ANKRD42: variants seen among roughly 807,000 people sequenced by gnomAD.
The protein encoded by ANKRD42 is ankyrin repeat domain-containing protein 42.
Under a neutral mutation model 51.5 loss-of-function variants are expected in ANKRD42, and 43 were observed. The observed-to-expected ratio is 0.83, with a 90% CI of 0.65 to 1.08. ANKRD42 has a LOEUF of 1.08. Ranked by LOEUF, ANKRD42 falls within the 50% of genes least tolerant of loss-of-function variation. ANKRD42 has a pLI of 0.00. For synonymous variants in ANKRD42, 203 were observed against 213.0 expected, an observed-to-expected ratio of 0.95 and a Z score of 0.41; for missense variants, 608 against 629.3, an observed-to-expected ratio of 0.97 and a Z score of 0.36.
At chr11:83,228,231 CTTTTTTTTTTTTTTTTT>C (rs11403803) in intron 7 of ANKRD42, among the ~76,000 whole-genome samples, 56 of 59,020 alleles carry the variant, frequency 9.5e-4, no homozygotes, top group East Asian at 2.2e-3. Context: ...CTCTCTCTCT[CTTTTTTTTTTTTTTTTT>C]TTTTTTTTTT....
chr11:83,234,291 T>C (rs1462849980), intron 7 of ANKRD42, among the ~76,000 whole-genome samples: 1 of 152,236 alleles, frequency 6.6e-6, no homozygotes, highest in African/African-American at 2.4e-5. Flanking sequence ...CATTTTATCA[T>C]ACTGCTTTTT....
In ANKRD42 at chr11:83,248,436, T is replaced by C. The variant is rs1267028327; in HGVS notation, c.*232T>C. The C allele has an allele frequency of 5.0e-6, 6 of 1,197,358 alleles. No homozygotes were observed. Among genetic ancestry groups the C allele is most frequent in the Middle Eastern group, 3.3e-4 (1 of 3,062 alleles). The allele number at this position is 1,197,358 out of a possible 1,614,324, so 74.2% of individuals were successfully genotyped here. A position where few individuals can be genotyped will look rare whatever the true frequency, so the allele number is the denominator to read the frequency against. ...AAGTATTATTGTTAACATTGTACCATAGAAGGAGAAAATGTTTTCATAAGT... is the reference window on the plus strand; with the variant it reads ...AAGTATTATTGTTAACATTGTACCACAGAAGGAGAAAATGTTTTCATAAGT... On this transcript the variant is annotated 3_prime_UTR_variant, in exon 11 of 11. Transcript: ENST00000533342.
chr11:83,241,523 A>ATGGCCGAATAGG (rs1863387009), intron 9 of ANKRD42, among the ~76,000 whole-genome samples: 1 of 151,978 alleles, frequency 6.6e-6, no homozygotes, highest in African/African-American at 2.4e-5. Context: ...ATCTTGGAAG[A>ATGGCCGAATAGG]ACGTGCCAGC....
chr11:83,195,439 T>C (rs1450603421), intron 1 of ANKRD42, among the ~76,000 whole-genome samples: 1 of 152,188 alleles, frequency 6.6e-6, no homozygotes, highest in Non-Finnish European at 1.5e-5. Context: ...AAAAGCATTC[T>C]AATACAGAGA....
In ANKRD42 at chr11:83,211,355, C is replaced by A. The variant is rs745929198; in HGVS notation, c.511C>A (p.Arg171=). 9.3e-6 allele frequency: 15 copies of A among 1,613,960 alleles called. No individual in the cohort carries two copies. Among genetic ancestry groups the A allele is most frequent in the Non-Finnish European group, 1.2e-5 (14 of 1,179,994 alleles). Residue 171 remains arginine, a synonymous_variant, in exon 5 of 11, where the codon CGG becomes AGG. Transcript: ENST00000533342. ...TGTGCATTATGCAGCTTTTCATGGG[C>A]GGCTTGGCTGCTTGCAACTTCTTGT... The part of the protein sequence containing the change: ...RPVHYAAFHG[R]LGCLQLLVKW...
rs199536647 is a variant in ANKRD42, at chr11:83,198,574, A to G, written c.154A>G (p.Ile52Val). Reference sequence around the variant, plus strand: ...AGAAATAGTGGTACGTGGAGCCAGCATTAATGAACTTGATGTTCTCCATAA... The same window carrying G: ...AGAAATAGTGGTACGTGGAGCCAGCGTTAATGAACTTGATGTTCTCCATAA... ...LSEIVVRGAS[I>V]NELDVLHKFT... The change falls in exon 2 of 11, where the codon ATT becomes GTT. Residue 52 changes from isoleucine to valine, a missense_variant. By Grantham distance (29) the Ile-to-Val change is conservative (BLOSUM62 3). Transcript: ENST00000533342. 5 of 1,613,730 alleles carry G rather than the reference A, an allele frequency of 3.1e-6. No homozygotes were observed. The highest frequency in any genetic ancestry group is 1.3e-5 in the African/African-American group (1 of 75,046).
rs1249983957 is a variant in ANKRD42, at chr11:83,194,506, T to C, written c.-165T>C. 1 of 734,628 alleles carries C rather than the reference T, an allele frequency of 1.4e-6. No individual in the cohort carries two copies. Among genetic ancestry groups the C allele is most frequent in the Admixed American group, 2.0e-5 (1 of 50,034 alleles). The allele number at this position is 734,628 out of a possible 1,614,324, so 45.5% of individuals were successfully genotyped here. On this transcript the variant is annotated 5_prime_UTR_variant, in exon 1 of 11. Coordinates refer to ENST00000533342, the MANE Select transcript of ANKRD42 (RefSeq NM_001300975.2). Reference sequence around the variant, plus strand: ...AGAAAGTGAAGACGAAGGTTTCCGCTGCAGCTTCTGGGAGAGAGCAAGAGA... The same window carrying C: ...AGAAAGTGAAGACGAAGGTTTCCGCCGCAGCTTCTGGGAGAGAGCAAGAGA...
At chr11:83,222,614 A>G (rs1862748443) in intron 5 of ANKRD42, among the ~76,000 whole-genome samples, 2 of 152,210 alleles carry the variant, frequency 1.3e-5, no homozygotes, top group African/African-American at 4.8e-5. Flanking sequence ...GAGGAAGAAC[A>G]TTTCAGGTAG....
At chr11:83,230,956 C>T (rs1304645493) in intron 7 of ANKRD42, among the ~76,000 whole-genome samples, 1 of 152,192 alleles carries the variant, frequency 6.6e-6, no homozygotes, top group Non-Finnish European at 1.5e-5. Flanking sequence ...TACCATTTAT[C>T]TGTTGGTGGA....
chr11:83,255,978 T>C, exon 12 of ANKRD42: 2 of 1,394,724 alleles, frequency 1.4e-6, no homozygotes, highest in Non-Finnish European at 1.9e-6. Flanking sequence ...TTCTCTTTCA[T>C]TAAAAAAATT....
chr11:83,261,893 G>T, downstream of ANKRD42: 1 of 1,582,192 alleles, frequency 6.3e-7, no homozygotes, highest in Non-Finnish European at 8.6e-7. Context: ...AACAGCCACA[G>T]CAGGATGAGC....
intron 6 of ANKRD42, among the ~76,000 whole-genome samples, chr11:83,225,465 C>T (rs911503260): frequency 6.7e-6 from 1 of 149,584 alleles, no homozygotes; most frequent in Non-Finnish European, 1.5e-5. Flanking sequence ...CTTGGGAGGC[C>T]GAGGTGGGAG....
chr11:83,213,025 T>C (rs756605783), intron 5 of ANKRD42: 34 of 1,599,676 alleles, frequency 2.1e-5, no homozygotes, highest in Non-Finnish European at 2.8e-5. Flanking sequence ...TCAGACCCCT[T>C]GTGAAGCCCA....
intron 5 of ANKRD42, chr11:83,212,668 C>T (rs1371621489): frequency 6.5e-7 from 1 of 1,536,074 alleles, no homozygotes; most frequent in South Asian, 1.2e-5. Context: ...CCTTAGATCC[C>T]TGTGGAGCCT....
chr11:83,194,578 C>T lies in ANKRD42; in HGVS notation c.-93C>T, dbSNP rs778246741. The T allele has an allele frequency of 8.6e-6, 11 of 1,279,528 alleles. No homozygotes were observed. Among genetic ancestry groups the T allele is most frequent in the African/African-American group, 5.9e-5 (4 of 68,300 alleles). 79.3% of individuals were successfully genotyped at this position (1,279,528 alleles called of 1,614,324 possible). On this transcript the variant is annotated 5_prime_UTR_variant, in exon 1 of 11. Coordinates refer to ENST00000533342, the MANE Select transcript of ANKRD42 (RefSeq NM_001300975.2). Reference sequence around the variant, plus strand: ...TGACGACGGAGAAGAGGGCCGCTGCCGCTGCAGTGGCTCGTGGGTGAGAGC... The same window carrying T: ...TGACGACGGAGAAGAGGGCCGCTGCTGCTGCAGTGGCTCGTGGGTGAGAGC...
chr11:83,262,663 C>G (rs896535503), downstream of ANKRD42, among the ~76,000 whole-genome samples: 1 of 152,080 alleles, frequency 6.6e-6, no homozygotes, highest in Non-Finnish European at 1.5e-5. Context: ...GAATGGAAAA[C>G]TTTTATGAAT....
In ANKRD42 at chr11:83,248,181, A is replaced by G. The variant is rs1303289083; in HGVS notation, c.1561A>G (p.Asn521Asp). The change falls in exon 11 of 11, where the codon AAT (asparagine) becomes GAT (aspartate). Residue 521 changes from asparagine (N) to aspartate (D), a missense_variant. By Grantham distance (23) the Asn-to-Asp change is conservative. Transcript: ENST00000533342. Reference protein sequence around the residue: ...QALGWGSLDLNPGYSLF With the variant: ...QALGWGSLDLDPGYSLF ...TTTGGGCTGGGGCTCTTTGGACTTG[A>G]ATCCTGGCTATAGTCTTTTTTGATT... The G allele has an allele frequency of 1.3e-6, 2 of 1,518,834 alleles. No individual in the cohort carries two copies. Among genetic ancestry groups the G allele is most frequent in the East Asian group, 2.4e-5 (1 of 40,822 alleles). The allele number at this position is 1,518,834 out of a possible 1,614,324, so 94.1% of individuals were successfully genotyped here. A position where few individuals can be genotyped will look rare whatever the true frequency, so the allele number is the denominator to read the frequency against.
intron 5 of ANKRD42, 64 bp downstream of exon 5, chr11:83,211,494 G>A: frequency 6.4e-7 from 1 of 1,561,516 alleles, no homozygotes; most frequent in East Asian, 2.3e-5. Flanking sequence ...GTTTGATCTT[G>A]TTTAAGAAAT....
intron 9 of ANKRD42, among the ~76,000 whole-genome samples, chr11:83,241,248 A>C (rs577710379): frequency 3.3e-5 from 5 of 152,318 alleles, no homozygotes; most frequent in African/African-American, 9.6e-5. Flanking sequence ...TTGGCAAATG[A>C]TTGTTATAGA....
Sources: allele counts gnomAD v4.1 joint callset (sites outside exome capture counted in the v4.1 genomes callset), GRCh38; gene constraint gnomAD v4.1.1; transcripts MANE v1.5; gene names NCBI Gene and HGNC (gene_info 2026-07-23, HGNC 2026-07-21).